ARHGEF26: variants seen among roughly 807,000 people sequenced by gnomAD.
ARHGEF26 encodes the protein Rho guanine nucleotide exchange factor (GEF) 26.
Under a neutral mutation model 89.4 loss-of-function variants are expected in ARHGEF26, and 59 were observed. That is an observed-to-expected ratio of 0.66 (90% confidence interval 0.54 to 0.82). The LOEUF (loss-of-function observed/expected upper bound fraction) is 0.82. Among genes scored for constraint, ARHGEF26 ranks in the 40% least tolerant of loss-of-function variants. The probability of loss-of-function intolerance (pLI) is 0.00; values close to 1 mark genes in which losing one functional copy is unlikely to be tolerated. For missense variants in ARHGEF26, 1,234 were observed against 1,085.6 expected, an observed-to-expected ratio of 1.14 and a Z score of -1.92; for synonymous variants, 500 against 428.4, an observed-to-expected ratio of 1.17 and a Z score of -2.06.
chr3:154,227,346 A>T (rs1716555875), intron 11 of ARHGEF26, among the ~76,000 whole-genome samples: 1 of 141,518 alleles, frequency 7.1e-6, no homozygotes, highest in African/African-American at 2.7e-5. Context: ...CACAGGCTGG[A>T]GTGCAGTGGC....
chr3:154,185,623 T>TC (rs1443851748), intron 6 of ARHGEF26, among the ~76,000 whole-genome samples: 2 of 152,086 alleles, frequency 1.3e-5, no homozygotes, highest in Non-Finnish European at 2.9e-5. Flanking sequence ...TCATCGACCC[T>TC]CCCTAACCCC....
chr3:154,149,202 C>T (rs574875395), intron 4 of ARHGEF26, among the ~76,000 whole-genome samples, 187 bp from the exon 5 acceptor site: 25 of 149,650 alleles, frequency 1.7e-4, no homozygotes, highest in African/African-American at 6.2e-4. Context: ...AGTATATTGT[C>T]TGGCACACTA....
intron 4 of ARHGEF26, among the ~76,000 whole-genome samples, chr3:154,133,535 T>C (rs971015442): frequency 4.6e-5 from 7 of 151,596 alleles, no homozygotes; most frequent in African/African-American, 1.7e-4. Flanking sequence ...TGCAGCCTTA[T>C]TTCTGGGCTC....
intron 5 of ARHGEF26, among the ~76,000 whole-genome samples, chr3:154,152,570 A>AT (rs1227958072): frequency 6.6e-6 from 1 of 152,098 alleles, no homozygotes; most frequent in Non-Finnish European, 1.5e-5. Context: ...GATAGTGATT[A>AT]TTTTTTAAGA....
At chr3:154,125,795 A>G (rs549659875) in intron 3 of ARHGEF26, among the ~76,000 whole-genome samples, 5 of 152,108 alleles carry the variant, frequency 3.3e-5, no homozygotes, top group Non-Finnish European at 7.4e-5. Context: ...TTTCATGTAC[A>G]TACATATGTA....
intron 12 of ARHGEF26, among the ~76,000 whole-genome samples, chr3:154,249,429 CAT>C (rs1381886365): frequency 6.6e-6 from 1 of 152,194 alleles, no homozygotes; most frequent in African/African-American, 2.4e-5. Context: ...CATTTCATGC[CAT>C]GCATGGAGAA....
At chr3:154,199,824 A>G (rs1401091887) in intron 9 of ARHGEF26, among the ~76,000 whole-genome samples, 1 of 152,060 alleles carries the variant, frequency 6.6e-6, no homozygotes, top group Non-Finnish European at 1.5e-5. Context: ...AGTGATGTTG[A>G]CCTTTTCATA....
intron 6 of ARHGEF26, among the ~76,000 whole-genome samples, chr3:154,154,106 C>A (rs1442484698): frequency 6.6e-6 from 1 of 152,122 alleles, no homozygotes; most frequent in Non-Finnish European, 1.5e-5. Flanking sequence ...GGGAAAGGTA[C>A]ATCCATCTAT....
intron 4 of ARHGEF26, among the ~76,000 whole-genome samples, chr3:154,147,127 G>A (rs553549345): frequency 2.0e-5 from 3 of 152,286 alleles, no homozygotes; most frequent in South Asian, 2.1e-4. Context: ...AAATGAGGCC[G>A]GACATGGTGG....
rs1718444894 is a variant in ARHGEF26, at chr3:154,255,539, C to CT, written c.*67dup. 1 of 1,539,206 alleles carries CT rather than the reference C, an allele frequency of 6.5e-7. No individual in the cohort carries two copies. The highest frequency in any genetic ancestry group is 1.4e-5 in the African/African-American group (1 of 72,052). ...ACTTACCGGGCTGGTTGGTTCTGGG[C>CT]TAGTTTTATTGTTAATTTTGTCACA... On this transcript the variant is annotated 3_prime_UTR_variant, in exon 15 of 15. Coordinates refer to ENST00000465093, the MANE Select transcript of ARHGEF26 (RefSeq NM_015595.4).
chr3:154,130,389 C>A (rs1718615351), intron 4 of ARHGEF26, among the ~76,000 whole-genome samples: 2 of 152,122 alleles, frequency 1.3e-5, no homozygotes, highest in Non-Finnish European at 2.9e-5. Flanking sequence ...GATCCGCCTG[C>A]CTCAGCCTCC....
At chr3:154,208,145 T>C (rs577821631) in intron 9 of ARHGEF26, among the ~76,000 whole-genome samples, 1 of 152,296 alleles carries the variant, frequency 6.6e-6, no homozygotes, top group South Asian at 2.1e-4. Context: ...TAGTGGATTC[T>C]GGGCAATACT....
At chr3:154,140,833 G>A (rs983701921) in intron 4 of ARHGEF26, among the ~76,000 whole-genome samples, 12 of 152,056 alleles carry the variant, frequency 7.9e-5, no homozygotes, top group African/African-American at 2.9e-4. Context: ...TGCTCGCCTC[G>A]GCTTCCCAAA....
intron 6 of ARHGEF26, among the ~76,000 whole-genome samples, chr3:154,154,427 A>G (rs988636000): frequency 1.3e-5 from 2 of 152,074 alleles, no homozygotes; most frequent in Non-Finnish European, 2.9e-5. Flanking sequence ...TAGATATATT[A>G]AAAGCCCATA....
At chr3:154,182,032 G>A (rs755641383) in intron 6 of ARHGEF26, among the ~76,000 whole-genome samples, 3 of 151,084 alleles carry the variant, frequency 2.0e-5, no homozygotes, top group Middle Eastern at 3.2e-3. Flanking sequence ...TGGGTGGGTG[G>A]TTGGGTGTGT....
intron 6 of ARHGEF26, among the ~76,000 whole-genome samples, chr3:154,175,920 T>C (rs971620627): frequency 6.6e-6 from 1 of 152,256 alleles, no homozygotes; most frequent in Non-Finnish European, 1.5e-5. Context: ...AGGTATAGTT[T>C]AGCTATTTAA....
chr3:154,213,859 G>C (rs1360986096), intron 9 of ARHGEF26, among the ~76,000 whole-genome samples: 1 of 152,116 alleles, frequency 6.6e-6, no homozygotes, highest in Non-Finnish European at 1.5e-5. Flanking sequence ...GTTTGTTTAT[G>C]CAGAAACATT....
chr3:154,220,800 A>C (rs975405714), intron 10 of ARHGEF26, among the ~76,000 whole-genome samples: 2 of 152,220 alleles, frequency 1.3e-5, no homozygotes, highest in African/African-American at 4.8e-5. Flanking sequence ...TCATTAAAAG[A>C]AAAAAGTCCT....
chr3:154,128,074 C>T (rs1369389590), intron 3 of ARHGEF26, among the ~76,000 whole-genome samples: 1 of 152,166 alleles, frequency 6.6e-6, no homozygotes, highest in Non-Finnish European at 1.5e-5. Context: ...TACTGACAGT[C>T]TGTTCTCACC....
Sources: allele counts gnomAD v4.1 joint callset (sites outside exome capture counted in the v4.1 genomes callset), GRCh38; gene constraint gnomAD v4.1.1; transcripts MANE v1.5; gene names NCBI Gene and HGNC (gene_info 2026-07-23, HGNC 2026-07-21).